NAALAD2: variants seen among roughly 807,000 people sequenced by gnomAD.
The protein encoded by NAALAD2 is N-acetylated alpha-linked acidic dipeptidase 2.
A neutral mutation model predicts 95.6 loss-of-function variants in NAALAD2; 89 were observed. That is an observed-to-expected ratio of 0.93 (90% CI 0.78 to 1.11). The LOEUF (loss-of-function observed/expected upper bound fraction) is 1.11, where lower values mean the gene tolerates loss of function less well. Ranked by LOEUF, NAALAD2 falls within the 50% of genes least tolerant of loss-of-function variation. The pLI is 0.00. For missense variants in NAALAD2, 894 were observed against 872.4 expected, an observed-to-expected ratio of 1.02 and a Z score of -0.31; for synonymous variants, 264 against 294.4, an observed-to-expected ratio of 0.90 and a Z score of 1.06.
At chr11:90,184,836 T>G (rs1389590163) in intron 18 of NAALAD2, among the ~76,000 whole-genome samples, 2 of 152,154 alleles carry the variant, frequency 1.3e-5, no homozygotes, top group Admixed American at 1.3e-4. Flanking sequence ...CATCTGTTGA[T>G]TCATCAACTG....
chr11:90,166,334 C>T (rs73543396), intron 11 of NAALAD2, among the ~76,000 whole-genome samples: 8,960 of 152,002 alleles, frequency 0.059, 895 homozygotes, highest in African/African-American at 0.21. Context: ...AGAGAGAGAG[C>T]GAAAGAGTCT....
chr11:90,135,544 A>AT lies in NAALAD2; in HGVS notation c.83-7dup, dbSNP rs748213571. 7.1e-5 allele frequency: 112 copies of AT among 1,574,416 alleles called. No individual in the cohort carries two copies. The highest frequency in any genetic ancestry group is 1.7e-4 in the Middle Eastern group (1 of 5,928). ...TGTGTGTATGTGTGCATGTTTGTGT[A>AT]TTTTTTTTCCTTAGGCTGGTTTATT... is the stretch of plus-strand genomic sequence containing the variant. On this transcript the variant is annotated splice_polypyrimidine_tract_variant and intron_variant, in intron 1 of 18. Coordinates refer to ENST00000534061, the MANE Select transcript of NAALAD2 (RefSeq NM_005467.4).
rs1252038550 is a variant in NAALAD2 at position 90,192,847 on chromosome 11, T to G, written c.*1100T>G. ...CAGATCCCAGTGACTCAATTACATGTTCAACTATGATTAAAGCTTCAATAA... is the reference window on the plus strand; with the variant it reads ...CAGATCCCAGTGACTCAATTACATGGTCAACTATGATTAAAGCTTCAATAA... On this transcript the variant is annotated 3_prime_UTR_variant, in exon 19 of 19. Transcript: ENST00000534061. 1 of 151,984 alleles carries G rather than the reference T, an allele frequency of 6.6e-6. No individual in the cohort carries two copies. Among genetic ancestry groups the G allele is most frequent in the African/African-American group, 2.4e-5 (1 of 41,438 alleles). The allele number at this position is 151,984 out of a possible 1,614,324, so 9.4% of individuals were successfully genotyped here.
rs1565521761 is a variant in NAALAD2, at chr11:90,154,998, T to TATATTATATAC, written c.796+2514_796+2515insATATTATATAC. ...ATTATATACGTATACATAATATGTA[T>TATATTATATAC]GTGTGTATATATTATATACATATAC... On this transcript the variant is annotated intron_variant, in intron 6 of 18. Transcript: ENST00000534061. Among the ~76,000 whole-genome samples the TATATTATATAC allele has an allele frequency of 7.8e-3, 428 of 54,554 alleles. 173 individuals are homozygous for TATATTATATAC. The highest frequency in any genetic ancestry group is 0.035 in the African/African-American group (402 of 11,372). 35.8% of individuals were successfully genotyped at this position (54,554 alleles called of 152,430 possible). A position where few individuals can be genotyped will look rare whatever the true frequency, so the allele number is the denominator to read the frequency against.
chr11:90,164,452 T>A (rs1952380994), intron 11 of NAALAD2: 1 of 152,218 alleles, frequency 6.6e-6, no homozygotes, highest in East Asian at 1.9e-4. Context: ...GTTCAACTAC[T>A]CTGTACAAGC....
At chr11:90,147,544 A>G in intron 3 of NAALAD2, 28 bp downstream of exon 3, 1 of 1,574,470 alleles carries the variant, frequency 6.4e-7, no homozygotes, top group Middle Eastern at 1.7e-4. Flanking sequence ...TACTTTTTAT[A>G]TTTTGCAATC....
At chr11:90,140,498 T>C (rs1342700603) in intron 2 of NAALAD2, among the ~76,000 whole-genome samples, 2 of 152,076 alleles carry the variant, frequency 1.3e-5, no homozygotes, top group East Asian at 1.9e-4. Flanking sequence ...ATGAGTTTTT[T>C]TTAAATTGCT....
chr11:90,162,809 T>C, intron 8 of NAALAD2, 140 bp from the exon 9 acceptor site: 1 of 502,988 alleles, frequency 2.0e-6, no homozygotes, highest in Non-Finnish European at 3.5e-6. Flanking sequence ...TGAATTTAGG[T>C]GGTAGAGATA....
At position 90,149,212 on chromosome 11, in the gene NAALAD2, G is replaced by A. The variant is rs768939685; in HGVS notation, c.483+105G>A. 39 of 564,350 alleles carry A rather than the reference G, an allele frequency of 6.9e-5. No individual in the cohort carries two copies. In the Middle Eastern group the frequency reaches 1.6e-3, roughly 22 times the overall value. The allele number at this position is 564,350 out of a possible 1,614,324, so 35.0% of individuals were successfully genotyped here. On this transcript the variant is annotated intron_variant, in intron 4 of 18. Transcript: ENST00000534061. ...AGGAAATTAGGTGAATCATTCATGC[G>A]GGTTCCTTGTTTGATATTCAGTACT...
chr11:90,168,482 G>C (rs1241472606), intron 11 of NAALAD2, among the ~76,000 whole-genome samples: 1 of 152,068 alleles, frequency 6.6e-6, no homozygotes, highest in Non-Finnish European at 1.5e-5. Context: ...ATTCTAGCCT[G>C]GGCAACAGAG....
At position 90,160,300 on chromosome 11, in the gene NAALAD2, C is replaced by G. The variant is rs189835330; in HGVS notation, c.989+963C>G. On this transcript the variant is annotated intron_variant, in intron 8 of 18. Coordinates refer to ENST00000534061, the MANE Select transcript of NAALAD2 (RefSeq NM_005467.4). The stretch of plus-strand genomic sequence containing the variant: ...GAGTAGTTGAACAGCGTGGCATGAT[C>G]AGAACTTCAAGAAGTTTGATTTGCC... Among the ~76,000 whole-genome samples the G allele has an allele frequency of 1.8e-4, 28 of 152,192 alleles. No individual in the cohort carries two copies. In the East Asian group the frequency reaches 5.2e-3, roughly 28 times the overall value.
At chr11:90,184,983 T>C (rs1435369078) in intron 18 of NAALAD2, among the ~76,000 whole-genome samples, 1 of 152,082 alleles carries the variant, frequency 6.6e-6, no homozygotes, top group African/African-American at 2.4e-5. Flanking sequence ...CTGTAAGCAA[T>C]CTAGAGCTGA....
Position 90,152,447 on chromosome 11 carries a change from T to C in NAALAD2, c.759T>C (p.Gly253=). 6.2e-7 allele frequency: 1 copy of C among 1,613,604 alleles called. No homozygotes were observed. The highest frequency in any genetic ancestry group is 8.5e-7 in the Non-Finnish European group (1 of 1,179,622). The part of the protein sequence containing the change: ...AQRGNVLNLN[G]AGDPLTPGYP... ...GAGGAAATGTGTTAAATTTGAATGG[T>C]GCTGGTGACCCACTCACTCCAGGCT... The change falls in exon 6 of 19, where the codon GGT becomes GGC. Residue 253 remains glycine (G), a synonymous_variant. Coordinates refer to ENST00000534061, the MANE Select transcript of NAALAD2 (RefSeq NM_005467.4).
chr11:90,190,385 C>G (rs1448938877), intron 18 of NAALAD2, among the ~76,000 whole-genome samples: 2 of 152,158 alleles, frequency 1.3e-5, no homozygotes, highest in African/African-American at 2.4e-5. Flanking sequence ...AGTCACTACT[C>G]TAAGCAGAGT....
At position 90,168,934 on chromosome 11, in the gene NAALAD2, T is replaced by A; in HGVS notation, c.1284T>A (p.Asn428Lys). ...LLGSTEWAEE[N>K]VKILQERSIA... is the part of the protein sequence containing the mutation. ...CAACTTTGCTTCAACTACAGGAGAA[T>A]GTCAAAATACTCCAGGAGAGAAGCA... The change falls in exon 12 of 19, where the codon AAT (asparagine) becomes AAA (lysine). Residue 428 changes from asparagine (N) to lysine (K), a missense_variant. Asn to Lys is a moderately conservative substitution (Grantham distance 94, BLOSUM62 0). Coordinates refer to ENST00000534061, the MANE Select transcript of NAALAD2 (RefSeq NM_005467.4). 6.2e-7 allele frequency: 1 copy of A among 1,607,452 alleles called. No individual in the cohort carries two copies. The highest frequency in any genetic ancestry group is 8.5e-7 in the Non-Finnish European group (1 of 1,177,154).
At chr11:90,151,670 CAA>C (rs1951890450) in intron 5 of NAALAD2, among the ~76,000 whole-genome samples, 2 of 152,062 alleles carry the variant, frequency 1.3e-5, no homozygotes, top group Non-Finnish European at 2.9e-5. Flanking sequence ...TTTTATGAAT[CAA>C]GACTGTTATC....
intron 15 of NAALAD2, among the ~76,000 whole-genome samples, chr11:90,177,586 G>GGTT (rs1952832778): frequency 7.0e-5 from 2 of 28,456 alleles, no homozygotes; most frequent in Admixed American, 5.3e-4. Flanking sequence ...TCTTTTTCTT[G>GGTT]TTTTTTTTTT....
chr11:90,151,708 G>A (rs576793784), intron 5 of NAALAD2, among the ~76,000 whole-genome samples: 2 of 152,248 alleles, frequency 1.3e-5, no homozygotes, highest in African/African-American at 4.8e-5. Context: ...TACTTTTGGT[G>A]AAGAAGAATT....
At chr11:90,163,122 G>T (rs1017673787) in intron 9 of NAALAD2, 88 bp downstream of exon 9, 7 of 1,220,998 alleles carry the variant, frequency 5.7e-6, no homozygotes, top group Middle Eastern at 2.0e-4. Flanking sequence ...TTGAAGTGGG[G>T]TTTTTTGGCT....
Sources: allele counts gnomAD v4.1 joint callset (sites outside exome capture counted in the v4.1 genomes callset), GRCh38; gene constraint gnomAD v4.1.1; transcripts MANE v1.5; gene names NCBI Gene and HGNC (gene_info 2026-07-23, HGNC 2026-07-21).